SH3GLB2: variants seen among roughly 807,000 people sequenced by gnomAD.
SH3GLB2 encodes the protein SH3 domain containing GRB2 like, endophilin B2.
A neutral mutation model predicts 48.0 loss-of-function variants in SH3GLB2; 24 were observed. The ratio of observed to expected loss-of-function variants is 0.50; its 90% CI spans 0.36 to 0.70. The LOEUF (loss-of-function observed/expected upper bound fraction) is 0.70, where lower values mean the gene tolerates loss of function less well. Ranked by LOEUF, SH3GLB2 falls within the 30% of genes least tolerant of loss-of-function variation. The pLI, the probability that SH3GLB2 is intolerant of heterozygous loss-of-function variation, is 0.00. For missense variants in SH3GLB2, 425 were observed against 516.0 expected (o/e 0.82, Z 1.71); for synonymous variants, 227 against 207.6 (o/e 1.09, Z -0.80).
At chr9:129,019,893 T>C (rs752698078) in intron 3 of SH3GLB2, among the ~76,000 whole-genome samples, 16 of 150,950 alleles carry the variant, frequency 1.1e-4, no homozygotes, top group Non-Finnish European at 1.6e-4. Flanking sequence ...ATACCTGTAA[T>C]ATGATGTCAA....
In SH3GLB2 at chr9:129,014,414, G is replaced by A; in HGVS notation, c.558C>T (p.Ala186=). The change falls in exon 5 of 11, where the codon GCC becomes GCT. Residue 186 remains alanine, a synonymous_variant. Coordinates refer to ENST00000372564, the MANE Select transcript of SH3GLB2 (RefSeq NM_020145.4). The surrounding 1 kb of genome is among the most constrained non-coding windows in gnomAD (Gnocchi z 4.1). ...AGCGGGGAGCGGGGACACCTACCGT[G>A]GCTTTGGCTTCTGCAGCCTTGGCCT... is the stretch of plus-strand genomic sequence containing the variant. ...LKKAKAAEAK[A]TTVPDFQETR... is the part of the protein sequence containing the mutation. 1.3e-6 allele frequency: 2 copies of A among 1,549,922 alleles called. No homozygotes were observed. Among genetic ancestry groups the A allele is most frequent in the Non-Finnish European group, 1.7e-6 (2 of 1,147,020 alleles).
intron 3 of SH3GLB2, chr9:129,015,952 G>GA (rs371877435): frequency 3.1e-5 from 6 of 193,246 alleles, no homozygotes; most frequent in African/African-American, 1.4e-4. Flanking sequence ...CTTCTCATTA[G>GA]AAACAATAGA....
At chr9:129,024,745 C>T (rs189530698) in intron 1 of SH3GLB2, among the ~76,000 whole-genome samples, 17 of 149,426 alleles carry the variant, frequency 1.1e-4, no homozygotes, top group African/African-American at 3.2e-4. Context: ...CCGAGGTGGG[C>T]GGATCACGAG....
At chr9:129,016,817 A>C (rs1843456694) in intron 3 of SH3GLB2, among the ~76,000 whole-genome samples, 1 of 152,188 alleles carries the variant, frequency 6.6e-6, no homozygotes, top group Non-Finnish European at 1.5e-5. Context: ...ATAATGAAAG[A>C]GTCAATTCAT....
chr9:129,023,737 A>G (rs1843962072), intron 1 of SH3GLB2, among the ~76,000 whole-genome samples: 1 of 152,006 alleles, frequency 6.6e-6, no homozygotes. Flanking sequence ...TATGTAGCAG[A>G]GCTTGGGTTT....
chr9:129,011,994 C>T lies in SH3GLB2; in HGVS notation c.624+242G>A, dbSNP rs1843151521. The T allele has an allele frequency of 2.6e-6, 1 of 390,788 alleles. No homozygotes were observed. 24.2% of individuals were successfully genotyped at this position (390,788 alleles called of 1,614,324 possible). A position where few individuals can be genotyped will look rare whatever the true frequency, so the allele number is the denominator to read the frequency against. The stretch of plus-strand genomic sequence containing the variant: ...CTACTCAGTGTGGCTGGCCCTGCCG[C>T]CAGCTCCAGCGTTTTGCAGAGGGAA... On this transcript the variant is annotated intron_variant, in intron 6 of 10. Transcript: ENST00000372564. The surrounding 1 kb of genome is among the most constrained non-coding windows in gnomAD (Gnocchi z 4.5).
chr9:129,017,121 T>A (rs1218378306), intron 3 of SH3GLB2, among the ~76,000 whole-genome samples: 2 of 151,986 alleles, frequency 1.3e-5, no homozygotes, highest in African/African-American at 4.8e-5. Flanking sequence ...CTAATTTTTT[T>A]GTATTTTTAG....
Position 129,011,091 on chromosome 9 carries a change from A to C in SH3GLB2, c.625-398T>G, listed in dbSNP as rs1216697564. The C allele has an allele frequency of 9.3e-6, 2 of 215,854 alleles. No individual in the cohort carries two copies. The highest frequency in any genetic ancestry group is 1.8e-5 in the Non-Finnish European group (2 of 109,318). The allele number at this position is 215,854 out of a possible 1,614,324, so 13.4% of individuals were successfully genotyped here. The stretch of plus-strand genomic sequence containing the variant: ...GAAGCTTTCTGTCCTCTGGCAGAGA[A>C]AGGTGGCCTCGTGCTTGAGTCACAC... On this transcript the variant is annotated intron_variant, in intron 6 of 10. Transcript: ENST00000372564. The surrounding 1 kb of genome is among the most constrained non-coding windows in gnomAD (Gnocchi z 4.5).
At chr9:129,023,965 TC>T (rs1342289537) in intron 1 of SH3GLB2, among the ~76,000 whole-genome samples, 1 of 152,030 alleles carries the variant, frequency 6.6e-6, no homozygotes, top group South Asian at 2.1e-4. Context: ...TCACCCCATT[TC>T]CCAAATGAGG....
At chr9:129,009,040 G>A in intron 10 of SH3GLB2, 66 bp downstream of exon 10, 1 of 1,593,882 alleles carries the variant, frequency 6.3e-7, no homozygotes. Context: ...CCATGTGCCT[G>A]ATCCCAGTGC....
chr9:129,028,325 C>A lies in SH3GLB2; in HGVS notation c.-171G>T, dbSNP rs924903675. 1,615 of 264,510 alleles carry A rather than the reference C, an allele frequency of 6.1e-3. 91 individuals carry two copies. In the Admixed American group the frequency reaches 0.095, roughly 16 times the overall value. The allele number at this position is 264,510 out of a possible 1,614,324, so 16.4% of individuals were successfully genotyped here. The stretch of plus-strand genomic sequence containing the variant: ...GCCGCAGCCGCCGAGCCAGCCCGAG[C>A]GCGCAGGGCGGGGCGCGGAGGCCGC... On this transcript the variant is annotated 5_prime_UTR_variant, in exon 1 of 11. Transcript: ENST00000372564.
intron 3 of SH3GLB2, among the ~76,000 whole-genome samples, chr9:129,020,198 T>A: frequency 1.6e-5 from 1 of 62,636 alleles, no homozygotes; most frequent in African/African-American, 6.5e-5. Context: ...AGAGCAAAAC[T>A]CCATCTCCAA....
At chr9:129,008,960 T>C in intron 10 of SH3GLB2, 146 bp downstream of exon 10, 15 of 1,402,008 alleles carry the variant, frequency 1.1e-5, no homozygotes, top group Non-Finnish European at 1.5e-5. Flanking sequence ...GCAAGGATCC[T>C]TTCCTCAGAG....
chr9:129,021,755 T>G (rs1843814569), intron 2 of SH3GLB2, among the ~76,000 whole-genome samples: 1 of 151,692 alleles, frequency 6.6e-6, no homozygotes, highest in African/African-American at 2.4e-5. Context: ...GGTCAGGAGT[T>G]CAAGACCAGC....
chr9:129,012,868 C>T lies in SH3GLB2; in HGVS notation c.562-570G>A, dbSNP rs1008491385. On this transcript the variant is annotated intron_variant, in intron 5 of 10. Coordinates refer to ENST00000372564, the MANE Select transcript of SH3GLB2 (RefSeq NM_020145.4). ...CTGGCATCCCCCCCTAAACCAGAGG[C>T]CCTGCACAGTAGAGGCTCTGGCGGG... The T allele has an allele frequency of 1.3e-5, 14 of 1,081,768 alleles. No individual in the cohort carries two copies. In the African/African-American group the frequency reaches 2.2e-4, roughly 17 times the overall value. 67.0% of individuals were successfully genotyped at this position (1,081,768 alleles called of 1,614,324 possible).
intron 3 of SH3GLB2, among the ~76,000 whole-genome samples, chr9:129,020,467 G>A (rs1190114899): frequency 6.6e-6 from 1 of 151,490 alleles, no homozygotes; most frequent in Non-Finnish European, 1.5e-5. Flanking sequence ...TACTCGGGAG[G>A]CTGAGGCAGG....
At chr9:129,022,451 G>A (rs1183505979) in intron 1 of SH3GLB2, 28 bp from the exon 2 acceptor site, 1 of 1,605,832 alleles carries the variant, frequency 6.2e-7, no homozygotes, top group African/African-American at 1.3e-5. Flanking sequence ...CCAAGGGGTG[G>A]GGAGGGGGAG....
At chr9:129,026,456 G>A (rs1260015418) in intron 1 of SH3GLB2, among the ~76,000 whole-genome samples, 1 of 152,206 alleles carries the variant, frequency 6.6e-6, no homozygotes, top group African/African-American at 2.4e-5. Flanking sequence ...GTTTGGTGCT[G>A]GAGTCCGAGG....
intron 10 of SH3GLB2, 51 bp from the exon 11 acceptor site, chr9:129,008,842 G>A (rs756725369): frequency 6.4e-7 from 1 of 1,552,028 alleles, no homozygotes; most frequent in East Asian, 2.2e-5. Flanking sequence ...GGGTGGAACT[G>A]GCCCCAGGAC....
Sources: gnomAD v4.1 joint callset for allele counts (sites outside exome capture counted in the v4.1 genomes callset) on GRCh38, gnomAD v4.1.1 for gene constraint, Gnocchi (gnomAD v3.1) non-coding constraint, MANE v1.5 for transcripts, NCBI Gene and HGNC (gene_info 2026-07-23, HGNC 2026-07-21) for gene names.